IDO2: variants seen among roughly 807,000 people sequenced by gnomAD.
The protein encoded by IDO2 is indoleamine 2,3-dioxygenase-like 1 protein.
In IDO2, 46 loss-of-function variants were observed where a neutral mutation model predicts 45.1. The observed-to-expected ratio is 1.02, with a 90% confidence interval of 0.80 to 1.30. The LOEUF (loss-of-function observed/expected upper bound fraction) is 1.30, where lower values mean the gene tolerates loss of function less well. Among genes scored for constraint, IDO2 ranks in the 50% most tolerant of loss-of-function variants. The pLI is 0.00. For synonymous variants in IDO2, 218 were observed against 184.9 expected (o/e 1.18, Z -1.45); for missense variants, 544 against 491.8 (o/e 1.11, Z -1.00).
At chr8:40,002,537 G>C (rs1357444251) in intron 8 of IDO2, among the ~76,000 whole-genome samples, 1 of 152,184 alleles carries the variant, frequency 6.6e-6, no homozygotes, top group Non-Finnish European at 1.5e-5. Flanking sequence ...GCTCACGCCT[G>C]TAATCCCAGC....
chr8:39,943,523 G>A (rs916136670), intron 1 of IDO2, among the ~76,000 whole-genome samples: 4 of 151,942 alleles, frequency 2.6e-5, no homozygotes, highest in Non-Finnish European at 5.9e-5. Context: ...AGATCGCGAG[G>A]TCAGGAGATC....
exon 1 of IDO2, chr8:39,934,945 T>G: frequency 1.6e-6 from 1 of 618,010 alleles, no homozygotes; most frequent in East Asian, 2.8e-5. Flanking sequence ...CACACTGGTT[T>G]GGAAATTTCA....
intron 2 of IDO2, among the ~76,000 whole-genome samples, chr8:39,953,466 T>C (rs1807841708): frequency 6.6e-6 from 1 of 152,214 alleles, no homozygotes; most frequent in South Asian, 2.1e-4. Flanking sequence ...CTATGACTGA[T>C]AGAAATCTTT....
rs1807722707 is a variant in IDO2 at position 39,946,034 on chromosome 8, C to T, written c.-17-3115C>T. 3.3e-5 allele frequency among the ~76,000 whole-genome samples: 5 copies of T among 152,292 alleles called. No individual in the cohort carries two copies. The South Asian group carries it at 1.0e-3, about 32-fold the overall frequency. On this transcript the variant is annotated intron_variant, in intron 1 of 10. Transcript: ENST00000502986. ...CCTTTAGTGGGACTAACATTAGCCA[C>T]AAGATTAGAAACTGTGGCTTAGGAG...
At chr8:40,007,157 C>T (rs1802236708) in intron 9 of IDO2, among the ~76,000 whole-genome samples, 1 of 151,378 alleles carries the variant, frequency 6.6e-6, no homozygotes, top group South Asian at 2.1e-4. Flanking sequence ...TAGATATCAT[C>T]TAGTGGGCCA....
chr8:39,978,884 T>C (rs1466800314), intron 3 of IDO2, among the ~76,000 whole-genome samples, 183 bp from the exon 4 acceptor site: 1 of 152,098 alleles, frequency 6.6e-6, no homozygotes, highest in Non-Finnish European at 1.5e-5. Context: ...CCACCTCCTA[T>C]ACTACAGGGT....
chr8:40,010,045 G>GA (rs1802288555), intron 9 of IDO2, among the ~76,000 whole-genome samples: 1 of 72,830 alleles, frequency 1.4e-5, no homozygotes, highest in Non-Finnish European at 3.1e-5. Context: ...GGTGGGTGGG[G>GA]GGATGGACAA....
chr8:39,997,524 T>G (rs1802064371), intron 8 of IDO2, among the ~76,000 whole-genome samples: 2 of 151,692 alleles, frequency 1.3e-5, no homozygotes, highest in Admixed American at 1.3e-4. Context: ...ATACAAAAAT[T>G]AGATGGTAAT....
chr8:39,988,430 G>A (rs1808455156), intron 7 of IDO2, among the ~76,000 whole-genome samples: 1 of 152,156 alleles, frequency 6.6e-6, no homozygotes, highest in Non-Finnish European at 1.5e-5. Context: ...TTAATGCCTT[G>A]CCTAAAAATA....
chr8:40,006,881 G>A (rs1349099251), intron 9 of IDO2, among the ~76,000 whole-genome samples: 1 of 151,956 alleles, frequency 6.6e-6, no homozygotes, highest in Non-Finnish European at 1.5e-5. Context: ...GGCTGGTCTC[G>A]AACTCCTGAC....
intron 9 of IDO2, among the ~76,000 whole-genome samples, chr8:40,011,697 G>A (rs1271631200): frequency 6.6e-6 from 1 of 152,182 alleles, no homozygotes; most frequent in East Asian, 1.9e-4. Context: ...TCCAGGCCCT[G>A]GGCAGGTATT....
intron 3 of IDO2, among the ~76,000 whole-genome samples, chr8:39,972,040 C>T (rs1808187253): frequency 6.6e-6 from 1 of 152,092 alleles, no homozygotes; most frequent in Admixed American, 6.6e-5. Context: ...AAACTCCTGG[C>T]ATCAGGTGAT....
chr8:39,939,651 AT>A, intron 1 of IDO2, among the ~76,000 whole-genome samples: 1 of 151,580 alleles, frequency 6.6e-6, no homozygotes, highest in Non-Finnish European at 1.5e-5. Flanking sequence ...GTACAGTAAA[AT>A]AAAGAAGGAT....
chr8:40,013,681 A>T lies in IDO2; in HGVS notation c.836A>T (p.Glu279Val), dbSNP rs760612519. Residue 279 changes from glutamate (E) to valine (V), a missense_variant, in exon 10 of 11, where the codon GAG (glutamate) becomes GTG (valine). Coordinates refer to ENST00000502986, the Ensembl canonical transcript of IDO2. Reference sequence around the variant, plus strand: ...AGCACAGTGCTTCATGCCTTTGATGAGTTCTTAGGCATTCGTCATAGCAAG... The same window carrying T: ...AGCACAGTGCTTCATGCCTTTGATGTGTTCTTAGGCATTCGTCATAGCAAG... The T allele has an allele frequency of 5.0e-6, 8 of 1,612,586 alleles. No homozygotes were observed. In the East Asian group the frequency reaches 1.8e-4, roughly 36 times the overall value.
intron 1 of IDO2, among the ~76,000 whole-genome samples, chr8:39,938,414 TATTTCATTTA>T (rs1031047299): frequency 6.6e-6 from 1 of 152,202 alleles, no homozygotes; most frequent in African/African-American, 2.4e-5. Context: ...ATCCTTGATT[TATTTCATTTA>T]ATAATTATTT....
chr8:39,970,701 T>C (rs1318210228), intron 3 of IDO2, among the ~76,000 whole-genome samples: 2 of 151,708 alleles, frequency 1.3e-5, no homozygotes, highest in Non-Finnish European at 2.9e-5. Context: ...AGTGGCTACA[T>C]TTAAAAATAG....
chr8:39,971,149 C>A (rs933673750), intron 3 of IDO2, among the ~76,000 whole-genome samples: 1 of 152,150 alleles, frequency 6.6e-6, no homozygotes, highest in African/African-American at 2.4e-5. Context: ...CAGCTGGTGA[C>A]TTTAAGTTGA....
At chr8:39,990,940 T>C (rs1362846271) in intron 8 of IDO2, among the ~76,000 whole-genome samples, 1 of 152,148 alleles carries the variant, frequency 6.6e-6, no homozygotes, top group African/African-American at 2.4e-5. Context: ...TAGGAGGATG[T>C]GAGAGAGGGG....
At chr8:39,942,849 A>G (rs1031565294) in intron 1 of IDO2, among the ~76,000 whole-genome samples, 3 of 152,194 alleles carry the variant, frequency 2.0e-5, no homozygotes, top group Admixed American at 6.5e-5. Context: ...CTATGGTTGT[A>G]TAATATTACA....
Sources: gnomAD v4.1 joint callset for allele counts (sites outside exome capture counted in the v4.1 genomes callset) on GRCh38, gnomAD v4.1.1 for gene constraint, MANE v1.5 for transcripts, NCBI Gene and HGNC (gene_info 2026-07-23, HGNC 2026-07-21) for gene names.